Variants in NTM observed in about 807,000 individuals in gnomAD.
NTM encodes the protein neurotrimin.
Under a neutral mutation model 42.1 loss-of-function variants are expected in NTM, and 13 were observed. The ratio of observed to expected loss-of-function variants is 0.31; its 90% CI spans 0.20 to 0.49. NTM has a LOEUF of 0.49. Among genes scored for constraint, NTM ranks in the 20% least tolerant of loss-of-function variants. NTM has a pLI of 0.99. For missense variants in NTM, 373 were observed against 452.8 expected (o/e 0.82, Z 1.60); for synonymous variants, 187 against 179.2 (o/e 1.04, Z -0.35).
rs375597680 is a variant in NTM, at chr11:131,947,007, T to A, written c.167+35359T>A. Among the ~76,000 whole-genome samples the A allele has an allele frequency of 2.0e-4, 30 of 152,296 alleles. No homozygotes were observed. The East Asian group carries it at 5.2e-3, about 26-fold the overall frequency. On this transcript the variant is annotated intron_variant, in intron 2 of 8. Coordinates refer to ENST00000683400, the MANE Select transcript of NTM (RefSeq NM_001352005.2). ...TTATGAAATATTGAAAATTACCTAA[T>A]ATAAAGGTTATTGGAAGGTACAATG...
At chr11:131,688,418 C>T (rs1480448070) in intron 1 of NTM, among the ~76,000 whole-genome samples, 1 of 152,260 alleles carries the variant, frequency 6.6e-6, no homozygotes, top group Non-Finnish European at 1.5e-5. Flanking sequence ...ATGAAAAATG[C>T]CTTCCAAACA....
In NTM at chr11:132,213,672, C is replaced by T. The variant is rs189949673; in HGVS notation, c.526+1525C>T. On this transcript the variant is annotated intron_variant, in intron 4 of 8. Transcript: ENST00000683400. ...CCCTAATGGATGTTCTCAGAGAAGG[C>T]GTGACATTTTCAGTTGTGTGTGGCC... 5.3e-4 allele frequency among the ~76,000 whole-genome samples: 80 copies of T among 151,484 alleles called. No individual in the cohort carries two copies. In the East Asian group the frequency reaches 0.012, roughly 23 times the overall value.
At chr11:132,175,960 C>T (rs2076747510) in intron 3 of NTM, among the ~76,000 whole-genome samples, 1 of 152,068 alleles carries the variant, frequency 6.6e-6, no homozygotes. Context: ...TCTTTTCTCT[C>T]ACTGTATCTC....
chr11:132,127,983 C>T lies in NTM; in HGVS notation c.168-18299C>T, dbSNP rs2066137197. 2.6e-5 allele frequency among the ~76,000 whole-genome samples: 4 copies of T among 152,204 alleles called. 1 individual carries two copies. The South Asian group carries it at 8.3e-4, about 31-fold the overall frequency. On this transcript the variant is annotated intron_variant, in intron 2 of 8. Transcript: ENST00000683400. Reference sequence around the variant, plus strand: ...GCATTGGCTCTCTGAAAGATTTACACTTTTCTGGCTTTTGTCGACAAAGGA... The same window carrying T: ...GCATTGGCTCTCTGAAAGATTTACATTTTTCTGGCTTTTGTCGACAAAGGA...
intron 1 of NTM, among the ~76,000 whole-genome samples, chr11:131,465,277 G>T (rs962757815): frequency 2.0e-5 from 3 of 152,134 alleles, no homozygotes; most frequent in African/African-American, 7.2e-5. Context: ...GGTGACCTGC[G>T]GGTGCCTCCG....
chr11:132,128,945 A>C (rs2066334986), intron 2 of NTM, among the ~76,000 whole-genome samples: 1 of 35,578 alleles, frequency 2.8e-5, no homozygotes, highest in African/African-American at 7.8e-5. Flanking sequence ...CTCAAAAAAA[A>C]AAAAAAAAAA....
At chr11:131,854,842 G>C (rs575902460) in intron 1 of NTM, among the ~76,000 whole-genome samples, 32 of 152,300 alleles carry the variant, frequency 2.1e-4, no homozygotes, top group African/African-American at 6.7e-4. Context: ...GGTAACTTGG[G>C]ATGTAGGTTT....
chr11:132,302,635 G>T (rs147744385), intron 4 of NTM, among the ~76,000 whole-genome samples: 3 of 152,282 alleles, frequency 2.0e-5, no homozygotes, highest in African/African-American at 7.2e-5. Context: ...TTTCCTAGCT[G>T]TCTTGAGAGC....
chr11:131,387,317 C>CCT, intron 1 of NTM, among the ~76,000 whole-genome samples: 1 of 150,470 alleles, frequency 6.6e-6, no homozygotes, highest in East Asian at 2.0e-4. Context: ...TCTCTCTCTC[C>CCT]CTCTCTCTCT....
At chr11:132,152,919 T>G (rs761881300) in intron 3 of NTM, among the ~76,000 whole-genome samples, 1 of 152,192 alleles carries the variant, frequency 6.6e-6, no homozygotes, top group Non-Finnish European at 1.5e-5. Flanking sequence ...TCTACAGAGT[T>G]TGGAAAACTT....
At chr11:131,442,147 A>G (rs1292734490) in intron 1 of NTM, among the ~76,000 whole-genome samples, 1 of 152,226 alleles carries the variant, frequency 6.6e-6, no homozygotes. Context: ...TTAACTGAGC[A>G]TCCAGGTGCA....
At chr11:132,027,661 G>A (rs1178267444) in intron 2 of NTM, among the ~76,000 whole-genome samples, 2 of 152,090 alleles carry the variant, frequency 1.3e-5, no homozygotes, top group African/African-American at 2.4e-5. Context: ...CCGACCCTCA[G>A]TTTCTCAAGT....
intron 2 of NTM, among the ~76,000 whole-genome samples, chr11:132,015,251 G>A (rs2073174490): frequency 1.3e-5 from 2 of 151,930 alleles, no homozygotes; most frequent in South Asian, 4.1e-4. Context: ...ATTGAATTAT[G>A]TGTCTGATTT....
rs114343042 is a variant in NTM at position 131,470,428 on chromosome 11, A to G, written c.82+99540A>G. Among the ~76,000 whole-genome samples, 4 of 152,368 alleles carry G rather than the reference A, an allele frequency of 2.6e-5. 1 individual carries two copies. The highest frequency in any genetic ancestry group is 9.6e-5 in the African/African-American group (4 of 41,594). Reference sequence around the variant, plus strand: ...GTATTTCACCAGCTCATTTTTCTCTAAACACCAACATTTACCAGCTTTCCT... The same window carrying G: ...GTATTTCACCAGCTCATTTTTCTCTGAACACCAACATTTACCAGCTTTCCT... On this transcript the variant is annotated intron_variant, in intron 1 of 8. Coordinates refer to ENST00000683400, the MANE Select transcript of NTM (RefSeq NM_001352005.2).
At chr11:131,742,533 C>T (rs536350430) in intron 1 of NTM, among the ~76,000 whole-genome samples, 2 of 151,952 alleles carry the variant, frequency 1.3e-5, no homozygotes, top group Non-Finnish European at 2.9e-5. Context: ...TTCTATTGGA[C>T]TGGAAAAATA....
chr11:132,193,657 C>G (rs2079678687), intron 3 of NTM, among the ~76,000 whole-genome samples: 1 of 151,872 alleles, frequency 6.6e-6, no homozygotes, highest in Non-Finnish European at 1.5e-5. Context: ...AAAGAAATAA[C>G]CAAAATCAAA....
intron 4 of NTM, among the ~76,000 whole-genome samples, chr11:132,280,675 AG>A (rs903060560): frequency 4.0e-5 from 6 of 151,860 alleles, no homozygotes; most frequent in African/African-American, 1.5e-4. Context: ...TAGTAGAGAC[AG>A]GGTTTCACCA....
At chr11:132,189,827 T>C (rs1190417326) in intron 3 of NTM, among the ~76,000 whole-genome samples, 1 of 152,236 alleles carries the variant, frequency 6.6e-6, no homozygotes, top group African/African-American at 2.4e-5. Flanking sequence ...GGTTTATGCA[T>C]ACAAATGAAC....
In NTM at chr11:132,210,652, T is replaced by C. The variant is rs192239282; in HGVS notation, c.401-1370T>C. 1.1e-4 allele frequency among the ~76,000 whole-genome samples: 16 copies of C among 152,274 alleles called. No individual in the cohort carries two copies. In the East Asian group the frequency reaches 2.9e-3, roughly 28 times the overall value. On this transcript the variant is annotated intron_variant, in intron 3 of 8. Coordinates refer to ENST00000683400, the MANE Select transcript of NTM (RefSeq NM_001352005.2). ...ACACATGGAACCAAATATCACATGTTTACTAGTGGTAAAGCTGAGACTGGA... is the reference window on the plus strand; with the variant it reads ...ACACATGGAACCAAATATCACATGTCTACTAGTGGTAAAGCTGAGACTGGA...
Sources: gnomAD v4.1 joint callset for allele counts (sites outside exome capture counted in the v4.1 genomes callset) on GRCh38, gnomAD v4.1.1 for gene constraint, MANE v1.5 for transcripts, NCBI Gene and HGNC (gene_info 2026-07-23, HGNC 2026-07-21) for gene names.